TYRP1: variants seen among roughly 807,000 people sequenced by gnomAD.
TYRP1 encodes the protein 5,6-dihydroxyindole-2-carboxylic acid oxidase.
Under a neutral mutation model 42.8 loss-of-function variants are expected in TYRP1, and 49 were observed. The ratio of observed to expected loss-of-function variants is 1.14; its 90% CI spans 0.91 to 1.45. TYRP1 has a LOEUF of 1.45. Ranked by LOEUF, TYRP1 falls within the 40% of genes most tolerant of loss-of-function variation. The probability of loss-of-function intolerance (pLI) is 0.00; values close to 1 mark genes in which losing one functional copy is unlikely to be tolerated. For synonymous variants in TYRP1, 279 were observed against 235.4 expected, an observed-to-expected ratio of 1.19 and a Z score of -1.69; for missense variants, 848 against 662.0, an observed-to-expected ratio of 1.28 and a Z score of -3.08.
At chr9:12,701,288 C>G (rs574050970) in intron 4 of TYRP1, among the ~76,000 whole-genome samples, 1 of 152,026 alleles carries the variant, frequency 6.6e-6, no homozygotes, top group Admixed American at 6.6e-5. Context: ...CTGGCACATA[C>G]TCCAGGCAAA....
intron 2 of TYRP1, among the ~76,000 whole-genome samples, chr9:12,695,114 C>T (rs1318750886): frequency 6.6e-6 from 1 of 151,738 alleles, no homozygotes; most frequent in Non-Finnish European, 1.5e-5. Flanking sequence ...GAAAAATGTG[C>T]CCAAAGTCAT....
intron 6 of TYRP1, among the ~76,000 whole-genome samples, chr9:12,705,916 C>A (rs759736503): frequency 1.8e-4 from 27 of 151,918 alleles, no homozygotes; most frequent in Admixed American, 5.3e-4. Context: ...ATAATGACAA[C>A]CATAAATCTA....
chr9:12,708,278 G>A (rs1269878813), intron 7 of TYRP1, 135 bp downstream of exon 7: 1 of 1,084,002 alleles, frequency 9.2e-7, no homozygotes, highest in Non-Finnish European at 1.4e-6. Flanking sequence ...ACTTTTATTT[G>A]AGGATAAGGG....
At chr9:12,694,414 T>C (rs1818044646) in intron 2 of TYRP1, 33 bp downstream of exon 2, 1 of 1,611,370 alleles carries the variant, frequency 6.2e-7, no homozygotes. Flanking sequence ...TCATAAGTCC[T>C]GCATGAGACT....
At chr9:12,704,997 C>G (rs2118260623) in intron 6 of TYRP1, among the ~76,000 whole-genome samples, 1 of 152,078 alleles carries the variant, frequency 6.6e-6, no homozygotes, top group South Asian at 2.1e-4. Context: ...ACAAATTGTT[C>G]TTACCCTCAT....
chr9:12,702,836 A>G (rs1818194757), intron 5 of TYRP1, among the ~76,000 whole-genome samples: 1 of 152,030 alleles, frequency 6.6e-6, no homozygotes, highest in Non-Finnish European at 1.5e-5. Flanking sequence ...AAAATTCCAA[A>G]CAATTAGTTG....
intron 2 of TYRP1, 110 bp downstream of exon 2, chr9:12,694,491 CCT>C (rs1349018976): frequency 1.5e-6 from 2 of 1,348,804 alleles, no homozygotes; most frequent in African/African-American, 2.9e-5. Flanking sequence ...ATAGCTCAAC[CCT>C]CTCTTTTCAT....
At chr9:12,707,332 C>T (rs1475005028) in intron 6 of TYRP1, among the ~76,000 whole-genome samples, 1 of 151,898 alleles carries the variant, frequency 6.6e-6, no homozygotes, top group African/African-American at 2.4e-5. Context: ...ATTCAAGGTA[C>T]CAGAAATACG....
chr9:12,704,451 A>G, intron 5 of TYRP1, 75 bp from the exon 6 acceptor site: 1 of 1,529,614 alleles, frequency 6.5e-7, no homozygotes, highest in Non-Finnish European at 8.9e-7. Flanking sequence ...GTTTCCCAAT[A>G]TAATCATTGC....
intron 6 of TYRP1, among the ~76,000 whole-genome samples, chr9:12,706,045 T>TTACA (rs2118264557): frequency 6.6e-6 from 1 of 152,140 alleles, no homozygotes; most frequent in African/African-American, 2.4e-5. Context: ...AATGTTCAAT[T>TTACA]TACATACTAT....
At position 12,693,496 on chromosome 9, in the gene TYRP1, T is replaced by C. The variant is rs752924961; in HGVS notation, c.-86+18T>C. 3 of 165,928 alleles carry C rather than the reference T, an allele frequency of 1.8e-5. No individual in the cohort carries two copies. The highest frequency in any genetic ancestry group is 4.0e-5 in the Non-Finnish European group (3 of 75,594). 10.3% of individuals were successfully genotyped at this position (165,928 alleles called of 1,614,324 possible). The stretch of plus-strand genomic sequence containing the variant: ...ATTGTGAGGTACTGGAAAGAAGTCC[T>C]ATGGGGAGTGGGTGGACACGTGCCA... On this transcript the variant is annotated intron_variant, in intron 1 of 7. Coordinates refer to ENST00000388918, the MANE Select transcript of TYRP1 (RefSeq NM_000550.3).
rs1818186603 is a variant in TYRP1 at position 12,702,433 on chromosome 9, T to A, written c.1076T>A (p.Val359Glu). 1.2e-6 allele frequency: 2 copies of A among 1,612,504 alleles called. No individual in the cohort carries two copies. The highest frequency in any genetic ancestry group is 2.7e-5 in the African/African-American group (2 of 74,822). Residue 359 changes from valine to glutamate, a missense_variant, in exon 5 of 8, where the codon GTG becomes GAG. Val to Glu is a moderately radical substitution (Grantham distance 121). Transcript: ENST00000388918. ...TCTACAAACAGTTTCCGAAACACAGTGGAAGGCAAGTAAATGAAATCAGTA... is the reference window on the plus strand; with the variant it reads ...TCTACAAACAGTTTCCGAAACACAGAGGAAGGCAAGTAAATGAAATCAGTA... ...SNSTNSFRNT[V>E]EGYSDPTGKY...
chr9:12,709,114 A>G lies in TYRP1; in HGVS notation c.1546A>G (p.Thr516Ala). 6.2e-7 allele frequency: 1 copy of G among 1,612,710 alleles called. No homozygotes were observed. The highest frequency in any genetic ancestry group is 1.1e-5 in the South Asian group (1 of 91,070). Residue 516 changes from threonine (T) to alanine (A), a missense_variant, in exon 8 of 8, where the codon ACT (threonine) becomes GCT (alanine). Thr to Ala is a moderately conservative substitution (Grantham distance 58). Coordinates refer to ENST00000388918, the MANE Select transcript of TYRP1 (RefSeq NM_000550.3). ...SMDEANQPLL[T>A]DQYQCYAEEY... ...GGATGAAGCTAACCAGCCTCTCCTC[A>G]CTGATCAGTATCAATGCTATGCTGA...
intron 3 of TYRP1, among the ~76,000 whole-genome samples, chr9:12,697,928 C>T (rs1205603608): frequency 6.6e-6 from 1 of 152,128 alleles, no homozygotes; most frequent in Non-Finnish European, 1.5e-5. Flanking sequence ...AGTCCATTGG[C>T]CTGTTGCCAA....
chr9:12,702,530 A>G, intron 5 of TYRP1, 92 bp downstream of exon 5: 1 of 1,258,354 alleles, frequency 7.9e-7, no homozygotes, highest in Admixed American at 2.0e-5. Flanking sequence ...GGCTTTGAAT[A>G]GTATATTAAT....
intron 3 of TYRP1, among the ~76,000 whole-genome samples, chr9:12,696,289 T>C (rs1446828992): frequency 2.6e-5 from 4 of 152,138 alleles, no homozygotes; most frequent in Non-Finnish European, 5.9e-5. Flanking sequence ...CCCTCCAACA[T>C]GGTATAGGGT....
At chr9:12,702,734 T>C (rs945306046) in intron 5 of TYRP1, among the ~76,000 whole-genome samples, 1 of 151,998 alleles carries the variant, frequency 6.6e-6, no homozygotes, top group African/African-American at 2.4e-5. Context: ...AATATGTAAC[T>C]ATATCAAGGT....
intron 3 of TYRP1, among the ~76,000 whole-genome samples, chr9:12,697,254 G>GACTT (rs1818093018): frequency 1.3e-5 from 2 of 152,242 alleles, no homozygotes; most frequent in Non-Finnish European, 2.9e-5. Context: ...CAACCTCTAT[G>GACTT]ACTTACATTT....
rs749542038 is a variant in TYRP1 at position 12,694,110 on chromosome 9, T to A, written c.114T>A (p.Ser38Arg). 2.6e-5 allele frequency: 42 copies of A among 1,613,900 alleles called. 1 individual carries two copies. The Middle Eastern group carries it at 4.9e-4, about 19-fold the overall frequency. Reference protein sequence around the residue: ...RQCATVEALRSGMCCPDLSPV... With the variant: ...RQCATVEALRRGMCCPDLSPV... ...GTGCCACTGTTGAGGCTTTGAGAAGTGGTATGTGTTGCCCAGACCTGTCCC... is the reference window on the plus strand; with the variant it reads ...GTGCCACTGTTGAGGCTTTGAGAAGAGGTATGTGTTGCCCAGACCTGTCCC... Residue 38 changes from serine (S) to arginine (R), a missense_variant, in exon 2 of 8, where the codon AGT becomes AGA. Transcript: ENST00000388918.
Sources: allele counts gnomAD v4.1 joint callset (sites outside exome capture counted in the v4.1 genomes callset), GRCh38; gene constraint gnomAD v4.1.1; transcripts MANE v1.5; gene names NCBI Gene and HGNC (gene_info 2026-07-23, HGNC 2026-07-21).